Variants in CFAP119 observed in about 807,000 individuals in gnomAD.
CFAP119 encodes the protein cilia- and flagella-associated protein 119.
the CFAP119 span, chr16:30,758,974 C>T: frequency 6.2e-7 from 1 of 1,612,676 alleles, no homozygotes; most frequent in Non-Finnish European, 8.5e-7. Context: ...TACACCTGCT[C>T]AGAGGGACAG....
the CFAP119 span, chr16:30,759,212 T>C: frequency 6.2e-7 from 1 of 1,614,182 alleles, no homozygotes; most frequent in Non-Finnish European, 8.5e-7. Context: ...TGGGTGGCTG[T>C]AGCCCCATGT....
the CFAP119 span, chr16:30,757,524 C>T: frequency 3.7e-6 from 6 of 1,614,096 alleles, no homozygotes; most frequent in Non-Finnish European, 5.1e-6. Context: ...GGAAGGGCCG[C>T]TCTAGTGCAG....
the CFAP119 span, chr16:30,761,098 C>G: frequency 7.2e-7 from 1 of 1,385,358 alleles, no homozygotes; most frequent in Non-Finnish European, 1.0e-6. Flanking sequence ...AGGCCTCAGT[C>G]TCATCTGTAA....
chr16:30,760,133 G>A, the CFAP119 span: 2 of 1,559,206 alleles, frequency 1.3e-6, no homozygotes, highest in Non-Finnish European at 1.7e-6. Flanking sequence ...GGAAGCAGTG[G>A]ATTGGAAAGC....
chr16:30,761,816 T>C, the CFAP119 span: 3 of 1,403,048 alleles, frequency 2.1e-6, no homozygotes, highest in Non-Finnish European at 2.8e-6. Context: ...CAGCCAGCGC[T>C]CGGTCGGCGG....
chr16:30,760,499 C>T, the CFAP119 span: 3 of 1,610,158 alleles, frequency 1.9e-6, no homozygotes, highest in South Asian at 2.2e-5. Flanking sequence ...CTCCTTTCAT[C>T]ACCCTACACC....
At chr16:30,759,813 C>A in the CFAP119 span, 1 of 1,509,876 alleles carries the variant, frequency 6.6e-7, no homozygotes, top group South Asian at 1.4e-5. Context: ...CCATGAGCTT[C>A]AGAAGCAGAC....
the CFAP119 span, chr16:30,759,083 T>G: frequency 6.2e-7 from 1 of 1,614,184 alleles, no homozygotes; most frequent in Non-Finnish European, 8.5e-7. Flanking sequence ...CTCCTCCATC[T>G]CCTTGCTTTC....
chr16:30,757,858 A>C, the CFAP119 span: 2 of 1,371,200 alleles, frequency 1.5e-6, no homozygotes, highest in South Asian at 3.3e-5. Flanking sequence ...TGCAGCTTCA[A>C]ATTCTGATCC....
the CFAP119 span, chr16:30,761,723 A>T: frequency 6.5e-7 from 1 of 1,528,944 alleles, no homozygotes; most frequent in South Asian, 1.2e-5. Flanking sequence ...CATTCCCAAA[A>T]AGTGGCTGGT....
chr16:30,760,846 C>G, the CFAP119 span: 2 of 642,392 alleles, frequency 3.1e-6, no homozygotes, highest in Admixed American at 5.1e-5. Context: ...TTATGAGCCT[C>G]TCCATTTCTA....
the CFAP119 span, chr16:30,757,587 C>A: frequency 2.5e-6 from 4 of 1,614,184 alleles, no homozygotes; most frequent in Non-Finnish European, 3.4e-6. Context: ...CCTCCACCAG[C>A]CCCTGGAGCT....
the CFAP119 span, chr16:30,760,039 AT>A: frequency 1.1e-5 from 17 of 1,509,954 alleles, no homozygotes; most frequent in Non-Finnish European, 4.4e-6. Flanking sequence ...AGCAGGTGTT[AT>A]TGTGCACTAT....
At chr16:30,759,337 C>T in the CFAP119 span, 7 of 1,613,196 alleles carry the variant, frequency 4.3e-6, no homozygotes, top group East Asian at 1.3e-4. Context: ...TCCACCACCC[C>T]CTACCTGGGG....
the CFAP119 span, chr16:30,759,564 A>G: frequency 6.2e-7 from 1 of 1,614,112 alleles, no homozygotes; most frequent in Non-Finnish European, 8.5e-7. Flanking sequence ...GGGTCTTCAC[A>G]AGAAGATAAG....
the CFAP119 span, chr16:30,759,262 A>G: frequency 4.3e-5 from 70 of 1,613,990 alleles, no homozygotes; most frequent in Admixed American, 8.3e-5. Flanking sequence ...GAAGCAAGGC[A>G]GAGGGAGGCT....
chr16:30,759,138 GCCTGGCCCAGCCCAGCCCTGC>G, the CFAP119 span: 2 of 1,614,150 alleles, frequency 1.2e-6, no homozygotes, highest in Non-Finnish European at 1.7e-6. Flanking sequence ...GTGGCCCCAG[GCCTGGCCCAGCCCAGCCCTGC>G]CCTGGCACTC....
At chr16:30,759,093 C>T in the CFAP119 span, 1 of 1,614,210 alleles carries the variant, frequency 6.2e-7, no homozygotes, top group Non-Finnish European at 8.5e-7. Flanking sequence ...TCCTTGCTTT[C>T]TTCTTTCTCT....
At chr16:30,761,111 T>C in the CFAP119 span, 4 of 1,479,016 alleles carry the variant, frequency 2.7e-6, no homozygotes, top group Non-Finnish European at 9.3e-7. Flanking sequence ...ATCTGTAAAA[T>C]GGGGATGCCC....
Sources: gnomAD v4.1 joint callset for allele counts on GRCh38, gnomAD v4.1.1 for gene constraint, MANE v1.5 for transcripts, NCBI Gene and HGNC (gene_info 2026-07-23, HGNC 2026-07-21) for gene names.